The following MRPL45 variants were observed in gnomAD, a reference collection of about 807,000 sequenced individuals.
MRPL45 encodes the protein large ribosomal subunit protein mL45.
In MRPL45, 20 loss-of-function variants were observed where a neutral mutation model predicts 38.1. That is an observed-to-expected ratio of 0.53 (90% confidence interval 0.37 to 0.76). The LOEUF (loss-of-function observed/expected upper bound fraction) is 0.76. MRPL45 is among the 30% of genes least tolerant of loss of function. The probability of loss-of-function intolerance (pLI) is 0.00; values close to 1 mark genes in which losing one functional copy is unlikely to be tolerated. For missense variants in MRPL45, 337 were observed against 395.6 expected, an observed-to-expected ratio of 0.85 and a Z score of 1.26; for synonymous variants, 105 against 128.8, an observed-to-expected ratio of 0.82 and a Z score of 1.25.
chr17:38,320,497 T>G, intron 5 of MRPL45, 121 bp from the exon 6 acceptor site: 2 of 971,624 alleles, frequency 2.1e-6, no homozygotes, highest in Non-Finnish European at 3.1e-6. Context: ...CAAGAGAGCA[T>G]GTGGTGGGAA....
At chr17:38,317,107 C>A (rs2037182260) in intron 4 of MRPL45, among the ~76,000 whole-genome samples, 1 of 152,108 alleles carries the variant, frequency 6.6e-6, no homozygotes, top group African/African-American at 2.4e-5. Flanking sequence ...ATAAATCCAC[C>A]ATTTCTAAAT....
At position 38,322,537 on chromosome 17, in the gene MRPL45, A is replaced by G. The variant is rs148452807; in HGVS notation, c.863A>G (p.Lys288Arg). 79 of 1,613,524 alleles carry G rather than the reference A, an allele frequency of 4.9e-5. No homozygotes were observed. The highest frequency in any genetic ancestry group is 6.3e-5 in the Non-Finnish European group (74 of 1,179,972). Reference sequence around the variant, plus strand: ...GTGATGATCCCTGGCCCTCAGCTGAAACCAGAAGAAGAATATGAAGAGGCA... The same window carrying G: ...GTGATGATCCCTGGCCCTCAGCTGAGACCAGAAGAAGAATATGAAGAGGCA... The part of the protein sequence containing the change: ...KTVMIPGPQL[K>R]PEEEYEEAQG... The change falls in exon 8 of 8, where the codon AAA becomes AGA. Residue 288 changes from lysine (K) to arginine (R), a missense_variant. Physicochemically the swap from Lys to Arg is conservative, Grantham distance 26. Around this residue, in one of 3 missense-constraint regions of MRPL45, gnomAD observed 251 missense variants for 269.1 expected, o/e 0.93. Coordinates refer to ENST00000613675, the MANE Select transcript of MRPL45 (RefSeq NM_032351.6).
rs114772175 is a variant in MRPL45, at chr17:38,305,975, G to A, written c.363-558G>A. On this transcript the variant is annotated intron_variant, in intron 3 of 7. Transcript: ENST00000613675. ...ACTCTTGAGCATTTGTAAGAAACCC[G>A]TTTTTTCTGTTTTTAGTGCATATCA... 4.2e-3 allele frequency among the ~76,000 whole-genome samples: 645 copies of A among 151,864 alleles called. 2 individuals are homozygous for A. Among genetic ancestry groups the A allele is most frequent in the African/African-American group, 0.015 (626 of 41,436 alleles).
chr17:38,305,081 A>AAG (rs2037038170), intron 3 of MRPL45, among the ~76,000 whole-genome samples: 1 of 143,640 alleles, frequency 7.0e-6, no homozygotes, highest in Non-Finnish European at 1.5e-5. Flanking sequence ...TCCTGACCTC[A>AAG]TGATCTGCCT....
At chr17:38,313,136 C>T (rs1229123317) in intron 4 of MRPL45, among the ~76,000 whole-genome samples, 1 of 149,318 alleles carries the variant, frequency 6.7e-6, no homozygotes, top group East Asian at 2.0e-4. Context: ...AGGCGCCTGC[C>T]ACCACACCCG....
In MRPL45 at chr17:38,322,297, A is replaced by G. The variant is rs375375679; in HGVS notation, c.832A>G (p.Lys278Glu). ...PWAPPKQPILKTVMIPGPQLK... is the reference protein window; with the variant it reads ...PWAPPKQPILETVMIPGPQLK... ...GGCACCCCCTAAGCAGCCCATCCTT[A>G]AGGTAAGGTGGCTTGCATGGTTTAA... Residue 278 changes from lysine to glutamate, a missense_variant and splice_region_variant, in exon 7 of 8, where the codon AAG becomes GAG. Lys to Glu is a moderately conservative substitution (Grantham distance 56). Transcript: ENST00000613675. 33 of 1,613,708 alleles carry G rather than the reference A, an allele frequency of 2.0e-5. No homozygotes were observed. The highest frequency in any genetic ancestry group is 3.3e-5 in the Admixed American group (2 of 59,980).
At chr17:38,307,321 C>G (rs1221187631) in intron 4 of MRPL45, among the ~76,000 whole-genome samples, 3 of 151,708 alleles carry the variant, frequency 2.0e-5, no homozygotes, top group African/African-American at 7.3e-5. Context: ...CAGGCATGAG[C>G]CACCACGCCC....
intron 3 of MRPL45, among the ~76,000 whole-genome samples, chr17:38,305,004 G>A (rs1308984851): frequency 2.0e-5 from 3 of 151,444 alleles, no homozygotes; most frequent in African/African-American, 4.8e-5. Context: ...GTGCCATCAC[G>A]CTTGGCTAAT....
rs370363617 is a variant in MRPL45 at position 38,299,131 on chromosome 17, G to A, written c.245-220G>A. The stretch of plus-strand genomic sequence containing the variant: ...TCTTGAATTCCTGACTTTGTGATCC[G>A]CCCGCCTCGGCCTCCCAAAGTACTG... On this transcript the variant is annotated intron_variant, in intron 2 of 7. Coordinates refer to ENST00000613675, the MANE Select transcript of MRPL45 (RefSeq NM_032351.6). Among the ~76,000 whole-genome samples, 8 of 152,040 alleles carry A rather than the reference G, an allele frequency of 5.3e-5. No homozygotes were observed. In the East Asian group the frequency reaches 9.7e-4, roughly 18 times the overall value.
chr17:38,321,159 A>G (rs2037225989), intron 6 of MRPL45, among the ~76,000 whole-genome samples: 1 of 151,946 alleles, frequency 6.6e-6, no homozygotes, highest in Non-Finnish European at 1.5e-5. Flanking sequence ...TATTTTTTGT[A>G]GAGACCAGTC....
Position 38,322,737 on chromosome 17 carries a change from G to A in MRPL45, c.*142G>A. ...GGTCTTTTCAGCAGTCTCATCATCA[G>A]CAACCATGACTGATGACTGGGCCCT... On this transcript the variant is annotated 3_prime_UTR_variant, in exon 8 of 8. Transcript: ENST00000613675. The A allele has an allele frequency of 1.5e-6, 1 of 652,480 alleles. No individual in the cohort carries two copies. The highest frequency in any genetic ancestry group is 2.6e-6 in the Non-Finnish European group (1 of 381,356). 40.4% of individuals were successfully genotyped at this position (652,480 alleles called of 1,614,324 possible). A position where few individuals can be genotyped will look rare whatever the true frequency, so the allele number is the denominator to read the frequency against.
At chr17:38,320,057 C>T (rs1031009796) in intron 5 of MRPL45, among the ~76,000 whole-genome samples, 2 of 152,058 alleles carry the variant, frequency 1.3e-5, no homozygotes, top group African/African-American at 2.4e-5. Context: ...GAGCCGAGAC[C>T]GCGCCACTGT....
chr17:38,312,039 A>T (rs1331391840), intron 4 of MRPL45, among the ~76,000 whole-genome samples: 4 of 147,218 alleles, frequency 2.7e-5, no homozygotes, highest in Admixed American at 1.4e-4. Context: ...TTTTATTTTT[A>T]TTTTTTTATC....
intron 4 of MRPL45, among the ~76,000 whole-genome samples, chr17:38,312,033 AT>A (rs112656361): frequency 0.015 from 2,173 of 148,546 alleles, 48 homozygotes; most frequent in African/African-American, 0.05. Context: ...CCTTAATTTT[AT>A]TTTTATTTTT....
intron 4 of MRPL45, among the ~76,000 whole-genome samples, chr17:38,315,506 T>C (rs1217467155): frequency 6.6e-6 from 1 of 151,890 alleles, no homozygotes; most frequent in Non-Finnish European, 1.5e-5. Flanking sequence ...TGGCCTCAAG[T>C]GATCCTCTTG....
intron 6 of MRPL45, among the ~76,000 whole-genome samples, chr17:38,321,793 G>A (rs113702192): frequency 0.027 from 4,174 of 152,266 alleles, 81 homozygotes; most frequent in Non-Finnish European, 0.042. Flanking sequence ...CACTTTGAGA[G>A]GCCGAAGCGG....
rs776185303 is a variant in MRPL45, at chr17:38,320,792, C to G, written c.660+25C>G. ...GGTAGAGGCACTCGTCTGCCTTCCT[C>G]CCAGCTTTTTTTCACTCTGAGCTTG... On this transcript the variant is annotated intron_variant, in intron 6 of 7. Transcript: ENST00000613675. The G allele has an allele frequency of 4.3e-6, 7 of 1,612,228 alleles. No homozygotes were observed. In the East Asian group the frequency reaches 1.3e-4, roughly 31 times the overall value.
At chr17:38,312,276 C>T (rs953841913) in intron 4 of MRPL45, among the ~76,000 whole-genome samples, 1 of 152,052 alleles carries the variant, frequency 6.6e-6, no homozygotes, top group Non-Finnish European at 1.5e-5. Context: ...GAACTCCTGA[C>T]CTCAGGTGAT....
At chr17:38,300,791 G>T (rs988026377) in intron 3 of MRPL45, among the ~76,000 whole-genome samples, 1 of 151,964 alleles carries the variant, frequency 6.6e-6, no homozygotes, top group Non-Finnish European at 1.5e-5. Flanking sequence ...TACTAAAAAT[G>T]CAAAATTAGC....
Sources: allele counts gnomAD v4.1 joint callset (sites outside exome capture counted in the v4.1 genomes callset), GRCh38; gene constraint gnomAD v4.1.1; regional missense constraint gnomAD v4.1.1; transcripts MANE v1.5; gene names NCBI Gene and HGNC (gene_info 2026-07-23, HGNC 2026-07-21).